SLC13A1: variants seen among roughly 807,000 people sequenced by gnomAD.
SLC13A1 encodes Na(+)/sulfate cotransporter.
SLC13A1 carries 65 observed loss-of-function variants against 70.0 expected under a neutral mutation model. The ratio of observed to expected loss-of-function variants is 0.93; its 90% CI spans 0.76 to 1.14. The LOEUF is 1.14. Among genes scored for constraint, SLC13A1 ranks in the 50% most tolerant of loss-of-function variants. The probability of loss-of-function intolerance (pLI) is 0.00; values close to 1 mark genes in which losing one functional copy is unlikely to be tolerated. For synonymous variants in SLC13A1, 275 were observed against 250.5 expected, an observed-to-expected ratio of 1.10 and a Z score of -0.92; for missense variants, 726 against 717.8, an observed-to-expected ratio of 1.01 and a Z score of -0.13.
At position 123,181,799 on chromosome 7, in the gene SLC13A1, G is replaced by A. The variant is rs17145502; in HGVS notation, c.100-698C>T. ...ACTTTGGTATGAAATCACCTGGAAC[G>A]TTCTAAGTCTTTAGTAAAGGTTAGC... On this transcript the variant is annotated intron_variant, in intron 1 of 14. Transcript: ENST00000194130. Among the ~76,000 whole-genome samples, 1,271 of 152,208 alleles carry A rather than the reference G, an allele frequency of 8.4e-3. 19 individuals carry two copies. The highest frequency in any genetic ancestry group is 0.028 in the African/African-American group (1,181 of 41,518).
rs564425259 is a variant in SLC13A1, at chr7:123,126,834, G to A, written c.1134-1159C>T. On this transcript the variant is annotated intron_variant, in intron 10 of 14. Transcript: ENST00000194130. Reference sequence around the variant, plus strand: ...TTGTATTTTTGGCAAATTGGGCCAGGCATCATGTAACCAGATTTCGTTTTA... The same window carrying A: ...TTGTATTTTTGGCAAATTGGGCCAGACATCATGTAACCAGATTTCGTTTTA... 6.2e-4 allele frequency among the ~76,000 whole-genome samples: 94 copies of A among 151,986 alleles called. 1 individual carries two copies. Among genetic ancestry groups the A allele is most frequent in the Non-Finnish European group, 9.0e-4 (61 of 67,928 alleles).
At chr7:123,190,607 G>A (rs1173269410) in intron 1 of SLC13A1, 1 of 456,642 alleles carries the variant, frequency 2.2e-6, no homozygotes, top group Admixed American at 2.3e-5. Context: ...GGAAAAGTCA[G>A]AATAAGCTGT....
At chr7:123,169,057 T>C (rs1880178) in intron 4 of SLC13A1, 91 bp downstream of exon 4, 819,798 of 1,164,488 alleles carry the variant, frequency 0.7, 290,624 homozygotes, top group Admixed American at 0.74. Context: ...CATGTATAGA[T>C]GGTTAATTCA....
At chr7:123,191,073 T>C (rs1339124617) in intron 1 of SLC13A1, among the ~76,000 whole-genome samples, 2 of 152,214 alleles carry the variant, frequency 1.3e-5, no homozygotes, top group Non-Finnish European at 2.9e-5. Context: ...GCTTTATTCT[T>C]GTGTTTTCTT....
At chr7:123,118,660 T>A (rs753932849) in intron 13 of SLC13A1, among the ~76,000 whole-genome samples, 7 of 152,154 alleles carry the variant, frequency 4.6e-5, no homozygotes, top group Non-Finnish European at 1.0e-4. Context: ...TAGTTTTTCA[T>A]TCATTTGCAA....
chr7:123,123,229 A>G lies in SLC13A1; in HGVS notation c.1247T>C (p.Phe416Ser), dbSNP rs1793446993. The change falls in exon 12 of 15, where the codon TTT becomes TCT. Residue 416 changes from phenylalanine (F) to serine (S), a missense_variant. Transcript: ENST00000194130. ...CCAAGTAATCAGTGGAGAGTAATCA[A>G]AAGCAACTGCAAAACAAAAATCCTA... ...KTTPTGEIVAFDYSPLITWKE... is the reference protein window; with the variant it reads ...KTTPTGEIVASDYSPLITWKE... 5 of 1,607,960 alleles carry G rather than the reference A, an allele frequency of 3.1e-6. No homozygotes were observed. The highest frequency in any genetic ancestry group is 2.7e-5 in the African/African-American group (2 of 74,790).
intron 7 of SLC13A1, among the ~76,000 whole-genome samples, chr7:123,141,900 T>C (rs1794163609): frequency 6.6e-6 from 1 of 152,150 alleles, no homozygotes; most frequent in Non-Finnish European, 1.5e-5. Context: ...TGTCTTTGGA[T>C]TGGAGAGTTT....
chr7:123,131,091 C>G (rs1196175561), intron 8 of SLC13A1, among the ~76,000 whole-genome samples: 2 of 152,086 alleles, frequency 1.3e-5, no homozygotes. Flanking sequence ...CATTTTCTTT[C>G]GTAAAGTATC....
chr7:123,185,057 T>G (rs941643393), intron 1 of SLC13A1, among the ~76,000 whole-genome samples: 1 of 152,132 alleles, frequency 6.6e-6, no homozygotes, highest in African/African-American at 2.4e-5. Context: ...CATTTTTTCA[T>G]GTACCTGTTT....
intron 6 of SLC13A1, chr7:123,148,497 T>C (rs1794440869): frequency 2.2e-6 from 1 of 453,424 alleles, no homozygotes. Flanking sequence ...TTCTAGGGTG[T>C]AAGCCAAAAG....
intron 6 of SLC13A1, among the ~76,000 whole-genome samples, chr7:123,153,640 G>C (rs1044214717): frequency 1.3e-5 from 2 of 152,042 alleles, no homozygotes; most frequent in African/African-American, 4.8e-5. Context: ...GAGCCAACTA[G>C]TGGTACAGAA....
At chr7:123,118,664 T>C (rs574268922) in intron 13 of SLC13A1, among the ~76,000 whole-genome samples, 3 of 152,234 alleles carry the variant, frequency 2.0e-5, no homozygotes, top group Admixed American at 2.0e-4. Flanking sequence ...TTTTCATTCA[T>C]TTGCAAATCA....
Position 123,154,621 on chromosome 7 carries a change from T to C in SLC13A1, c.661-7311A>G, listed in dbSNP as rs144898330. On this transcript the variant is annotated intron_variant, in intron 6 of 14. Coordinates refer to ENST00000194130, the MANE Select transcript of SLC13A1 (RefSeq NM_022444.4). ...CTAGAAATATGATATACATTACTTT[T>C]CCTGCCCCTTCTGTAAGTTAGAATA... 3.7e-3 allele frequency among the ~76,000 whole-genome samples: 559 copies of C among 152,270 alleles called. 2 individuals carry two copies. The highest frequency in any genetic ancestry group is 0.012 in the South Asian group (59 of 4,826).
chr7:123,123,340 T>C, intron 11 of SLC13A1, 105 bp from the exon 12 acceptor site: 1 of 703,526 alleles, frequency 1.4e-6, no homozygotes. Context: ...GTAATATTCC[T>C]ATATTGTTTT....
intron 6 of SLC13A1, among the ~76,000 whole-genome samples, chr7:123,152,398 AT>A (rs1382858173): frequency 2.0e-5 from 3 of 151,666 alleles, no homozygotes; most frequent in African/African-American, 4.8e-5. Context: ...TGGTACTTCT[AT>A]TTTTTTTCTA....
intron 1 of SLC13A1, chr7:123,186,880 A>G (rs562970300): frequency 8.0e-4 from 277 of 346,346 alleles, no homozygotes; most frequent in African/African-American, 5.4e-3. Flanking sequence ...CATGAAGGAC[A>G]TAACTGTAAA....
At chr7:123,187,401 C>T (rs1795839715) in intron 1 of SLC13A1, among the ~76,000 whole-genome samples, 1 of 152,144 alleles carries the variant, frequency 6.6e-6, no homozygotes, top group Non-Finnish European at 1.5e-5. Context: ...AAATATACAA[C>T]AAACATATTT....
intron 6 of SLC13A1, among the ~76,000 whole-genome samples, chr7:123,160,609 A>G (rs6943401): frequency 0.56 from 85,585 of 151,822 alleles, 24,160 homozygotes; most frequent in East Asian, 0.64. Context: ...AGAGTTTTGG[A>G]AAACATCGAA....
At chr7:123,127,324 C>T (rs937492634) in intron 10 of SLC13A1, among the ~76,000 whole-genome samples, 4 of 152,024 alleles carry the variant, frequency 2.6e-5, no homozygotes, top group African/African-American at 2.4e-5. Flanking sequence ...CCTGTTTCCT[C>T]GCATAAGAAA....
Sources: allele counts gnomAD v4.1 joint callset (sites outside exome capture counted in the v4.1 genomes callset), GRCh38; gene constraint gnomAD v4.1.1; transcripts MANE v1.5; gene names NCBI Gene and HGNC (gene_info 2026-07-23, HGNC 2026-07-21).